LIN28A: variants seen among roughly 807,000 people sequenced by gnomAD.
LIN28A encodes the protein lin-28 RNA binding posttranscriptional regulator A.
LIN28A carries 11 observed loss-of-function variants against 21.1 expected under a neutral mutation model. The ratio of observed to expected loss-of-function variants is 0.52; its 90% confidence interval spans 0.33 to 0.86. The LOEUF (loss-of-function observed/expected upper bound fraction) is 0.86. Among genes scored for constraint, LIN28A ranks in the 40% least tolerant of loss-of-function variants. LIN28A has a pLI of 0.03. For synonymous variants in LIN28A, 111 were observed against 108.7 expected (o/e 1.02, Z -0.13); for missense variants, 219 against 279.8 (o/e 0.78, Z 1.55).
intron 2 of LIN28A, among the ~76,000 whole-genome samples, chr1:26,422,643 C>G (rs1474021913): frequency 6.6e-6 from 1 of 152,068 alleles, no homozygotes; most frequent in African/African-American, 2.4e-5. Context: ...ATATGTGTGT[C>G]CCATTGTAGG....
rs571279956 is a variant in LIN28A at position 26,427,650 on chromosome 1, C to G, written c.*1192C>G. The G allele has an allele frequency of 2.6e-5, 4 of 152,320 alleles. No individual in the cohort carries two copies. The South Asian group carries it at 8.3e-4, about 32-fold the overall frequency. 9.4% of individuals were successfully genotyped at this position (152,320 alleles called of 1,614,324 possible). A position where few individuals can be genotyped will look rare whatever the true frequency, so the allele number is the denominator to read the frequency against. On this transcript the variant is annotated 3_prime_UTR_variant, in exon 4 of 4. Coordinates refer to ENST00000326279, the MANE Select transcript of LIN28A (RefSeq NM_024674.6). Reference sequence around the variant, plus strand: ...TTTACATCTCCAGATCTGTTCTTCACCAGATTAGGTTAGGCCTACCATGTG... The same window carrying G: ...TTTACATCTCCAGATCTGTTCTTCAGCAGATTAGGTTAGGCCTACCATGTG...
chr1:26,413,825 C>CTTT (rs755305206), intron 2 of LIN28A, among the ~76,000 whole-genome samples: 13,442 of 100,280 alleles, frequency 0.13, 1,297 homozygotes, highest in Non-Finnish European at 0.18. Flanking sequence ...TTGTTTGTTG[C>CTTT]TTTTTTTTTT....
intron 2 of LIN28A, among the ~76,000 whole-genome samples, chr1:26,423,373 GT>G (rs1167899744): frequency 8.1e-6 from 1 of 123,282 alleles, no homozygotes; most frequent in African/African-American, 2.9e-5. Context: ...TTTTTAACAT[GT>G]TTTGCAGCCA....
Position 26,411,162 on chromosome 1 carries a change from T to C in LIN28A, c.32-224T>C, listed in dbSNP as rs576277990. Among the ~76,000 whole-genome samples the C allele has an allele frequency of 7.2e-5, 11 of 152,082 alleles. No individual in the cohort carries two copies. The highest frequency in any genetic ancestry group is 5.2e-4 in the Admixed American group (8 of 15,296). On this transcript the variant is annotated intron_variant, in intron 1 of 3. Coordinates refer to ENST00000326279, the MANE Select transcript of LIN28A (RefSeq NM_024674.6). The surrounding 1 kb of genome is among the most constrained non-coding windows in gnomAD (Gnocchi z 5.4). ...CCGCCGTGAGTCTCTGGGAAACGCGTTGTGGGAAGAGGAGCAAAACTTTCG... is the reference window on the plus strand; with the variant it reads ...CCGCCGTGAGTCTCTGGGAAACGCGCTGTGGGAAGAGGAGCAAAACTTTCG...
Position 26,411,690 on chromosome 1 carries a change from T to A in LIN28A, c.228+108T>A. The stretch of plus-strand genomic sequence containing the variant: ...ATTGAGGGCCATCGGGAGCCCTCAT[T>A]ATGCATCCCTGTCTTTGCTTCGGCA... On this transcript the variant is annotated intron_variant, in intron 2 of 3. Coordinates refer to ENST00000326279, the MANE Select transcript of LIN28A (RefSeq NM_024674.6). This position sits in a 1 kb window ranked among gnomAD's most constrained non-coding sequence, Gnocchi z 5.4. 1 of 1,105,554 alleles carries A rather than the reference T, an allele frequency of 9.0e-7. No individual in the cohort carries two copies. The highest frequency in any genetic ancestry group is 1.3e-6 in the Non-Finnish European group (1 of 751,286). 68.5% of individuals were successfully genotyped at this position (1,105,554 alleles called of 1,614,324 possible).
In LIN28A at chr1:26,429,460, A is replaced by C. The variant is rs1184870416; in HGVS notation, c.*3002A>C. The C allele has an allele frequency of 2.0e-5, 3 of 152,662 alleles. No individual in the cohort carries two copies. The highest frequency in any genetic ancestry group is 7.2e-5 in the African/African-American group (3 of 41,448). The allele number at this position is 152,662 out of a possible 1,614,324, so 9.5% of individuals were successfully genotyped here. A position where few individuals can be genotyped will look rare whatever the true frequency, so the allele number is the denominator to read the frequency against. ...AAGCTTTGTGTAAAATCTTGAATTT[A>C]TGGGGCGGGAGGGTAGGAAAGCCTG... On this transcript the variant is annotated 3_prime_UTR_variant, in exon 4 of 4. Transcript: ENST00000326279.
rs1570306762 is a variant in LIN28A, at chr1:26,410,933, G to A, written c.31+11G>A. On this transcript the variant is annotated intron_variant, in intron 1 of 3. Transcript: ENST00000326279. ...ACCAGCAGTTTGCAGGTTCGAGCTCGGGACTTAGCGGGGACACTTTAGGAT... is the reference window on the plus strand; with the variant it reads ...ACCAGCAGTTTGCAGGTTCGAGCTCAGGACTTAGCGGGGACACTTTAGGAT... The A allele has an allele frequency of 1.9e-6, 3 of 1,604,392 alleles. No homozygotes were observed. Among genetic ancestry groups the A allele is most frequent in the African/African-American group, 1.3e-5 (1 of 74,156 alleles).
At chr1:26,422,292 T>C (rs1039137257) in intron 2 of LIN28A, among the ~76,000 whole-genome samples, 5 of 152,204 alleles carry the variant, frequency 3.3e-5, no homozygotes, top group Non-Finnish European at 7.3e-5. Flanking sequence ...ATTATAGGCA[T>C]CAGCCACTGT....
chr1:26,416,126 G>T (rs111842919), intron 2 of LIN28A, among the ~76,000 whole-genome samples: 1,994 of 152,180 alleles, frequency 0.013, 47 homozygotes, highest in African/African-American at 0.045. Context: ...CCAAGTAGCT[G>T]GGATTACAGA....
chr1:26,414,216 A>G (rs2074979943), intron 2 of LIN28A, among the ~76,000 whole-genome samples: 1 of 136,370 alleles, frequency 7.3e-6, no homozygotes, highest in Non-Finnish European at 1.7e-5. Flanking sequence ...GGGGAGGAGG[A>G]AAGTGTTCCC....
chr1:26,412,615 G>A (rs1557760108), intron 2 of LIN28A, among the ~76,000 whole-genome samples: 1 of 152,102 alleles, frequency 6.6e-6, no homozygotes, highest in Non-Finnish European at 1.5e-5. Context: ...ATCCCAGATC[G>A]TGTAGGTTGA....
chr1:26,421,765 A>T (rs1030606748), intron 2 of LIN28A, among the ~76,000 whole-genome samples: 2 of 152,092 alleles, frequency 1.3e-5, no homozygotes, highest in Non-Finnish European at 2.9e-5. Context: ...TGCTTGGGTT[A>T]TACTGTCTTT....
intron 2 of LIN28A, among the ~76,000 whole-genome samples, chr1:26,416,182 G>T (rs2074992041): frequency 6.6e-6 from 1 of 152,068 alleles, no homozygotes; most frequent in South Asian, 2.1e-4. Flanking sequence ...TAGTAGAGAA[G>T]GGTTTTCGTC....
chr1:26,411,067 G>T lies in LIN28A; in HGVS notation c.31+145G>T. 1 of 1,110,722 alleles carries T rather than the reference G, an allele frequency of 9.0e-7. No homozygotes were observed. The highest frequency in any genetic ancestry group is 1.7e-5 in the South Asian group (1 of 59,998). 68.8% of individuals were successfully genotyped at this position (1,110,722 alleles called of 1,614,324 possible). A position where few individuals can be genotyped will look rare whatever the true frequency, so the allele number is the denominator to read the frequency against. ...TCTGCTTCATAGGGCCGTCTCTGGG[G>T]CCAGGAACCTTGGTGTCCCAGTGGC... On this transcript the variant is annotated intron_variant, in intron 1 of 3. Coordinates refer to ENST00000326279, the MANE Select transcript of LIN28A (RefSeq NM_024674.6). The surrounding 1 kb of genome is among the most constrained non-coding windows in gnomAD (Gnocchi z 5.4).
intron 2 of LIN28A, among the ~76,000 whole-genome samples, chr1:26,419,815 C>T (rs2075018093): frequency 6.6e-6 from 1 of 152,086 alleles, no homozygotes; most frequent in African/African-American, 2.4e-5. Context: ...AGTGTCCCAG[C>T]CTAAGACAAG....
At chr1:26,422,932 G>A (rs968225728) in intron 2 of LIN28A, among the ~76,000 whole-genome samples, 2 of 151,894 alleles carry the variant, frequency 1.3e-5, no homozygotes, top group African/African-American at 4.8e-5. Context: ...TGAGGGTTTT[G>A]GTGTTTTTGT....
At chr1:26,418,429 C>T (rs1249241343) in intron 2 of LIN28A, among the ~76,000 whole-genome samples, 3 of 151,926 alleles carry the variant, frequency 2.0e-5, no homozygotes, top group Non-Finnish European at 4.4e-5. Flanking sequence ...GCCTGTAGTC[C>T]CAGCTACTCG....
intron 2 of LIN28A, among the ~76,000 whole-genome samples, chr1:26,420,539 G>A (rs2075022731): frequency 1.3e-5 from 2 of 149,046 alleles, no homozygotes; most frequent in Admixed American, 6.8e-5. Flanking sequence ...AGGAGGCGGA[G>A]GTTGCAGTGA....
In LIN28A at chr1:26,426,520, AG is replaced by A; in HGVS notation, c.*63del. Reference sequence around the variant, plus strand: ...AAGTTTTGAGGAGCAGGCAGAGTGGAGAAAGTGGGAATAGGGTGCATTGGGG... The same window carrying A: ...AAGTTTTGAGGAGCAGGCAGAGTGGAAAAGTGGGAATAGGGTGCATTGGGG... On this transcript the variant is annotated 3_prime_UTR_variant, in exon 4 of 4. Transcript: ENST00000326279. 4 of 1,348,862 alleles carry A rather than the reference AG, an allele frequency of 3.0e-6. No individual in the cohort carries two copies. Among genetic ancestry groups the A allele is most frequent in the African/African-American group, 1.4e-5 (1 of 69,600 alleles). The allele number at this position is 1,348,862 out of a possible 1,614,324, so 83.6% of individuals were successfully genotyped here.
Sources: gnomAD v4.1 joint callset for allele counts (sites outside exome capture counted in the v4.1 genomes callset) on GRCh38, gnomAD v4.1.1 for gene constraint, Gnocchi (gnomAD v3.1) non-coding constraint, MANE v1.5 for transcripts, NCBI Gene and HGNC (gene_info 2026-07-23, HGNC 2026-07-21) for gene names.